Variants in LIPC observed in about 807,000 individuals in gnomAD.
The protein encoded by LIPC is hepatic triacylglycerol lipase.
Under a neutral mutation model 50.7 loss-of-function variants are expected in LIPC, and 44 were observed. The observed-to-expected ratio is 0.87, with a 90% confidence interval of 0.68 to 1.11. The LOEUF (loss-of-function observed/expected upper bound fraction) is 1.11, where lower values mean the gene tolerates loss of function less well. Ranked by LOEUF, LIPC falls within the 50% of genes most tolerant of loss-of-function variation. The pLI is 0.00. For missense variants in LIPC, 697 were observed against 648.2 expected (o/e 1.08, Z -0.82); for synonymous variants, 271 against 256.4 (o/e 1.06, Z -0.54).
At chr15:58,506,758 G>A (rs1023893552) in intron 1 of LIPC, among the ~76,000 whole-genome samples, 1 of 152,192 alleles carries the variant, frequency 6.6e-6, no homozygotes, top group Admixed American at 6.5e-5. Context: ...CCACCCTGAC[G>A]TGGGGGAAGA....
intron 1 of LIPC, among the ~76,000 whole-genome samples, chr15:58,472,123 T>A (rs1436378074): frequency 6.6e-6 from 1 of 150,896 alleles, no homozygotes; most frequent in Non-Finnish European, 1.5e-5. Flanking sequence ...TACAAAAAAT[T>A]AGCCAGGCAT....
At chr15:58,509,912 A>C (rs1361632191) in intron 1 of LIPC, among the ~76,000 whole-genome samples, 1 of 152,202 alleles carries the variant, frequency 6.6e-6, no homozygotes, top group African/African-American at 2.4e-5. Context: ...CCAATTAAAA[A>C]ATTTTATAAG....
rs535202136 is a variant in LIPC at position 58,485,244 on chromosome 15, T to C, written c.89-53089T>C. ...AGCAAGGAGAGAGTTGATACTCCCT[T>C]GGATGGGCTGGAGGTGGATAAAAAT... On this transcript the variant is annotated intron_variant, in intron 1 of 8. Coordinates refer to ENST00000299022, the MANE Select transcript of LIPC (RefSeq NM_000236.3). Among the ~76,000 whole-genome samples the C allele has an allele frequency of 2.0e-5, 3 of 152,230 alleles. No individual in the cohort carries two copies. The South Asian group carries it at 6.2e-4, about 32-fold the overall frequency.
intron 2 of LIPC, among the ~76,000 whole-genome samples, chr15:58,539,498 A>G (rs2233738): frequency 2.5e-3 from 377 of 152,328 alleles, no homozygotes; most frequent in Non-Finnish European, 4.0e-3. Flanking sequence ...CTTGTCTCCA[A>G]GAGGAAATCC....
At chr15:58,512,067 T>G (rs1359306418) in intron 1 of LIPC, among the ~76,000 whole-genome samples, 1 of 152,136 alleles carries the variant, frequency 6.6e-6, no homozygotes, top group Non-Finnish European at 1.5e-5. Flanking sequence ...CAGGTAATTT[T>G]GGTGATTTTC....
chr15:58,489,232 G>A (rs1040767769), intron 1 of LIPC, among the ~76,000 whole-genome samples: 2 of 120,754 alleles, frequency 1.7e-5, no homozygotes, highest in East Asian at 2.7e-4. Context: ...GCGGGGGGGC[G>A]GCTTACAAGC....
intron 1 of LIPC, chr15:58,494,980 C>A (rs908217510): frequency 1.2e-5 from 5 of 425,320 alleles, no homozygotes; most frequent in African/African-American, 2.0e-5. Flanking sequence ...ATTGATCCAA[C>A]ATCAACCGTT....
intron 1 of LIPC, among the ~76,000 whole-genome samples, chr15:58,441,518 C>T (rs539712762): frequency 1.3e-5 from 2 of 152,234 alleles, no homozygotes; most frequent in South Asian, 2.1e-4. Flanking sequence ...ATTTTAGAGA[C>T]GTAAACATTC....
intron 1 of LIPC, among the ~76,000 whole-genome samples, chr15:58,534,472 G>T (rs550859292): frequency 3.9e-5 from 6 of 152,296 alleles, no homozygotes; most frequent in African/African-American, 1.4e-4. Context: ...AGTCCTAGAG[G>T]CTGCTGCTCA....
chr15:58,459,520 G>A (rs896154981), intron 1 of LIPC, among the ~76,000 whole-genome samples: 2 of 151,984 alleles, frequency 1.3e-5, no homozygotes, highest in Non-Finnish European at 2.9e-5. Context: ...AGCAGTTTCT[G>A]GAGGAAGTCC....
intron 1 of LIPC, among the ~76,000 whole-genome samples, chr15:58,461,914 C>G (rs1243975627): frequency 2.6e-5 from 4 of 151,938 alleles, no homozygotes; most frequent in African/African-American, 9.7e-5. Flanking sequence ...ACACCTGCCT[C>G]GTGCTGTCCC....
At chr15:58,459,168 G>A (rs547174630) in intron 1 of LIPC, among the ~76,000 whole-genome samples, 13 of 152,178 alleles carry the variant, frequency 8.5e-5, no homozygotes, top group Admixed American at 8.5e-4. Flanking sequence ...AAAACCAAAG[G>A]CCCAGTGGAC....
At chr15:58,445,388 G>A (rs868480995) in intron 1 of LIPC, among the ~76,000 whole-genome samples, 7 of 152,146 alleles carry the variant, frequency 4.6e-5, no homozygotes, top group African/African-American at 9.7e-5. Context: ...GCCTAGACTC[G>A]CCCAGGCCTC....
chr15:58,565,671 G>C, intron 8 of LIPC: 1 of 1,014,514 alleles, frequency 9.9e-7, no homozygotes, highest in Non-Finnish European at 1.2e-6. Context: ...TTACCCATTT[G>C]TTGGGGGTGT....
chr15:58,538,977 C>T (rs1027776210), intron 2 of LIPC, among the ~76,000 whole-genome samples: 8 of 152,200 alleles, frequency 5.3e-5, no homozygotes, highest in East Asian at 1.9e-4. Flanking sequence ...GTTTTCATTT[C>T]GCAAAATATT....
chr15:58,502,309 A>G (rs1468482107), intron 1 of LIPC, among the ~76,000 whole-genome samples: 1 of 151,962 alleles, frequency 6.6e-6, no homozygotes, highest in Non-Finnish European at 1.5e-5. Flanking sequence ...CTGTGCTGCT[A>G]CAGAACCCAC....
intron 1 of LIPC, among the ~76,000 whole-genome samples, chr15:58,469,124 GT>G (rs1894687891): frequency 1.3e-5 from 2 of 151,354 alleles, no homozygotes; most frequent in East Asian, 1.9e-4. Context: ...GTGTGTGTGT[GT>G]GTGTGTGTGT....
chr15:58,538,732 T>A (rs1893225865), intron 2 of LIPC, among the ~76,000 whole-genome samples: 1 of 152,112 alleles, frequency 6.6e-6, no homozygotes, highest in Non-Finnish European at 1.5e-5. Flanking sequence ...AATATAATTA[T>A]CTCCATGTTT....
Position 58,515,533 on chromosome 15 carries a change from C to CACATATATATATATAT in LIPC, c.89-22799_89-22798insCATATATATATATATA, listed in dbSNP as rs147594972. Among the ~76,000 whole-genome samples, 307 of 141,686 alleles carry CACATATATATATATAT rather than the reference C, an allele frequency of 2.2e-3. 5 individuals are homozygous for CACATATATATATATAT. Among genetic ancestry groups the CACATATATATATATAT allele is most frequent in the Admixed American group, 0.018 (260 of 14,338 alleles). The allele number at this position is 141,686 out of a possible 152,430, so 93.0% of individuals were successfully genotyped here. On this transcript the variant is annotated intron_variant, in intron 1 of 8. Coordinates refer to ENST00000299022, the MANE Select transcript of LIPC (RefSeq NM_000236.3). The stretch of plus-strand genomic sequence containing the variant: ...AAAGAGGTCTTTGCATATACACACA[C>CACATATATATATATAT]ATATATATATATATATATATCTCAA...
Sources: gnomAD v4.1 joint callset for allele counts (sites outside exome capture counted in the v4.1 genomes callset) on GRCh38, gnomAD v4.1.1 for gene constraint, MANE v1.5 for transcripts, NCBI Gene and HGNC (gene_info 2026-07-23, HGNC 2026-07-21) for gene names.